Variants in EPB41L4B observed in about 807,000 individuals in gnomAD.
The protein encoded by EPB41L4B is erythrocyte membrane protein band 4.1 like 4B, also known as band 4.1-like protein 4B.
A neutral mutation model predicts 112.5 loss-of-function variants in EPB41L4B; 30 were observed. The observed-to-expected ratio is 0.27, with a 90% confidence interval of 0.20 to 0.36. The LOEUF (loss-of-function observed/expected upper bound fraction) is 0.36. Among genes scored for constraint, EPB41L4B ranks in the 10% least tolerant of loss-of-function variants. EPB41L4B has a pLI of 1.00. For synonymous variants in EPB41L4B, 408 were observed against 439.7 expected (o/e 0.93, Z 0.90); for missense variants, 1,024 against 1,133.3 (o/e 0.90, Z 1.38).
intron 19 of EPB41L4B, among the ~76,000 whole-genome samples, chr9:109,200,837 C>T (rs1159025855): frequency 1.3e-5 from 2 of 151,840 alleles, no homozygotes; most frequent in Non-Finnish European, 1.5e-5. Flanking sequence ...ATCAGAAGAC[C>T]TTTAGGACTT....
intron 11 of EPB41L4B, 140 bp downstream of exon 11, chr9:109,255,371 C>A (rs1381765403): frequency 2.2e-6 from 2 of 925,614 alleles, no homozygotes; most frequent in African/African-American, 3.3e-5. Flanking sequence ...GCTTCAGTTA[C>A]TCACCTTAAG....
At chr9:109,239,376 G>A (rs1403862551) in intron 15 of EPB41L4B, among the ~76,000 whole-genome samples, 2 of 152,172 alleles carry the variant, frequency 1.3e-5, no homozygotes, top group African/African-American at 2.4e-5. Flanking sequence ...GGTGGAGTTT[G>A]ACGTGTACAC....
intron 2 of EPB41L4B, among the ~76,000 whole-genome samples, chr9:109,274,991 T>C (rs1835757961): frequency 6.6e-6 from 1 of 152,220 alleles, no homozygotes; most frequent in Non-Finnish European, 1.5e-5. Flanking sequence ...AGAAGCAAGC[T>C]TTGATATGTA....
intron 6 of EPB41L4B, among the ~76,000 whole-genome samples, chr9:109,259,708 G>C (rs746417): frequency 6.6e-6 from 1 of 152,212 alleles, no homozygotes; most frequent in African/African-American, 2.4e-5. Flanking sequence ...CAACAGATGA[G>C]TGGCCTATTA....
chr9:109,242,460 AATG>A (rs1834386079), intron 15 of EPB41L4B, among the ~76,000 whole-genome samples: 2 of 152,260 alleles, frequency 1.3e-5, no homozygotes, highest in African/African-American at 4.8e-5. Flanking sequence ...TTGTAAAAAC[AATG>A]TTAATTAAAA....
chr9:109,216,991 G>A lies in EPB41L4B; in HGVS notation c.1564C>T (p.Leu522Phe), dbSNP rs775297523. ...TCTTTGTTCTCCAGGGTCAGTGAGA[G>A]GCTGTAGTTTGAGTGGTGCTGGTGC... The part of the protein sequence containing the change: ...HQHQHHSNYS[L>F]SLTLENKEGP... The change falls in exon 16 of 26, where the codon CTC (leucine) becomes TTC (phenylalanine). Residue 522 changes from leucine (L) to phenylalanine (F), a missense_variant. Coordinates refer to ENST00000374566, the MANE Select transcript of EPB41L4B (RefSeq NM_019114.5). The A allele has an allele frequency of 6.8e-6, 11 of 1,614,096 alleles. No individual in the cohort carries two copies. The highest frequency in any genetic ancestry group is 3.3e-5 in the Admixed American group (2 of 59,998).
chr9:109,287,194 C>G (rs1342429350), intron 1 of EPB41L4B, among the ~76,000 whole-genome samples: 1 of 152,192 alleles, frequency 6.6e-6, no homozygotes, highest in Non-Finnish European at 1.5e-5. Flanking sequence ...GCTGGCCAGC[C>G]TGAGATTCTC....
chr9:109,280,358 C>G (rs1011088282), intron 1 of EPB41L4B, among the ~76,000 whole-genome samples: 1 of 152,200 alleles, frequency 6.6e-6, no homozygotes, highest in African/African-American at 2.4e-5. Flanking sequence ...TCCGATTTCA[C>G]AAAGTAGGTA....
chr9:109,231,568 T>G (rs1277828113), intron 15 of EPB41L4B, among the ~76,000 whole-genome samples: 2 of 152,216 alleles, frequency 1.3e-5, no homozygotes, highest in Non-Finnish European at 2.9e-5. Flanking sequence ...AACTGCAGAT[T>G]AACATCCCAC....
At chr9:109,213,651 G>A in intron 17 of EPB41L4B, 49 bp downstream of exon 17, 1 of 1,502,690 alleles carries the variant, frequency 6.7e-7, no homozygotes, top group Non-Finnish European at 9.3e-7. Flanking sequence ...TCAGAGGTTT[G>A]ATGTCAGCAC....
intron 15 of EPB41L4B, among the ~76,000 whole-genome samples, chr9:109,226,627 T>TATGG: frequency 2.6e-5 from 1 of 38,928 alleles, no homozygotes; most frequent in South Asian, 9.0e-4. Flanking sequence ...TATATATATA[T>TATGG]ATGAAGAATA....
At chr9:109,186,241 G>A (rs1832261450) in intron 22 of EPB41L4B, among the ~76,000 whole-genome samples, 1 of 151,762 alleles carries the variant, frequency 6.6e-6, no homozygotes, top group South Asian at 2.1e-4. Flanking sequence ...AGGTTGGAGT[G>A]CAGTGTCATG....
chr9:109,228,480 T>C (rs1258534367), intron 15 of EPB41L4B, among the ~76,000 whole-genome samples: 5 of 152,360 alleles, frequency 3.3e-5, no homozygotes, highest in African/African-American at 1.2e-4. Context: ...CTCAGTGTTT[T>C]GGGAGACCAT....
Position 109,263,108 on chromosome 9 carries a change from A to G in EPB41L4B, c.579-6T>C. 3.8e-6 allele frequency: 6 copies of G among 1,575,906 alleles called. No homozygotes were observed. Among genetic ancestry groups the G allele is most frequent in the Non-Finnish European group, 5.2e-6 (6 of 1,152,822 alleles). On this transcript the variant is annotated splice_polypyrimidine_tract_variant and splice_region_variant and intron_variant, in intron 5 of 25. Coordinates refer to ENST00000374566, the MANE Select transcript of EPB41L4B (RefSeq NM_019114.5). ...TTTCATAAGGGCATTTCAATCTTGA[A>G]AAAAATAAAATGAAATTAATTCGAA...
chr9:109,233,272 A>ATAAT (rs898381737), intron 15 of EPB41L4B, among the ~76,000 whole-genome samples: 5 of 152,138 alleles, frequency 3.3e-5, no homozygotes, highest in Non-Finnish European at 5.9e-5. Flanking sequence ...TTTCAGTTCC[A>ATAAT]ATATATTGAA....
At chr9:109,174,866 C>T (rs1831755181) in intron 25 of EPB41L4B, among the ~76,000 whole-genome samples, 1 of 151,768 alleles carries the variant, frequency 6.6e-6, no homozygotes, top group African/African-American at 2.4e-5. Flanking sequence ...TCTAAACCTC[C>T]AGAGCCTTGC....
intron 15 of EPB41L4B, among the ~76,000 whole-genome samples, chr9:109,229,790 A>C (rs952275261): frequency 2.0e-5 from 3 of 152,206 alleles, no homozygotes; most frequent in South Asian, 2.1e-4. Context: ...TTATTCTCCC[A>C]GTCCTTGGAG....
chr9:109,186,693 C>T (rs1312920493), intron 22 of EPB41L4B, among the ~76,000 whole-genome samples: 1 of 152,102 alleles, frequency 6.6e-6, no homozygotes, highest in Non-Finnish European at 1.5e-5. Context: ...GTTGCCCAGG[C>T]TGGTCTTGAA....
chr9:109,315,027 C>T (rs1343038900), intron 1 of EPB41L4B, among the ~76,000 whole-genome samples: 1 of 152,162 alleles, frequency 6.6e-6, no homozygotes, highest in Non-Finnish European at 1.5e-5. Flanking sequence ...CCTAGCCAGG[C>T]CCTCATCACC....
Sources: allele counts gnomAD v4.1 joint callset (sites outside exome capture counted in the v4.1 genomes callset), GRCh38; gene constraint gnomAD v4.1.1; transcripts MANE v1.5; gene names NCBI Gene and HGNC (gene_info 2026-07-23, HGNC 2026-07-21).